Variants in TNFAIP8 observed in about 807,000 individuals in gnomAD.
The protein encoded by TNFAIP8 is tumor necrosis factor alpha-induced protein 8.
In TNFAIP8, 7 loss-of-function variants were observed where a neutral mutation model predicts 13.3. That is an observed-to-expected ratio of 0.52 (90% CI 0.30 to 0.99). The LOEUF (loss-of-function observed/expected upper bound fraction) is 0.99, where lower values mean the gene tolerates loss of function less well. TNFAIP8 is among the 50% of genes least tolerant of loss of function. The probability of loss-of-function intolerance (pLI) is 0.07; values close to 1 mark genes in which losing one functional copy is unlikely to be tolerated. For synonymous variants in TNFAIP8, 94 were observed against 87.6 expected, an observed-to-expected ratio of 1.07 and a Z score of -0.41; for missense variants, 258 against 236.9, an observed-to-expected ratio of 1.09 and a Z score of -0.58.
intron 1 of TNFAIP8, among the ~76,000 whole-genome samples, chr5:119,282,381 C>A (rs1459642724): frequency 2.0e-5 from 3 of 152,146 alleles, no homozygotes; most frequent in African/African-American, 7.2e-5. Flanking sequence ...ACTGTCCCAT[C>A]CCTTTGCCTC....
intron 1 of TNFAIP8, among the ~76,000 whole-genome samples, chr5:119,311,449 T>C (rs1581594794): frequency 6.7e-6 from 1 of 150,266 alleles, no homozygotes; most frequent in African/African-American, 2.4e-5. Flanking sequence ...CTCAGCACTT[T>C]GGGAGGCCAA....
intron 1 of TNFAIP8, among the ~76,000 whole-genome samples, chr5:119,383,113 G>C (rs572995183): frequency 6.6e-6 from 1 of 152,254 alleles, no homozygotes; most frequent in East Asian, 1.9e-4. Context: ...TCCCCCATAA[G>C]ACTCTTTTAG....
chr5:119,331,756 T>C (rs7724082), intron 1 of TNFAIP8, among the ~76,000 whole-genome samples: 27,923 of 152,132 alleles, frequency 0.18, 4,852 homozygotes, highest in African/African-American at 0.46. Flanking sequence ...CATCCTCCCC[T>C]AGCAGAACTG....
rs184031530 is a variant in TNFAIP8 at position 119,324,320 on chromosome 5, A to C, written c.1+55413A>C. 2.2e-5 allele frequency among the ~76,000 whole-genome samples: 3 copies of C among 135,606 alleles called. No homozygotes were observed. In the Admixed American group the frequency reaches 2.2e-4, roughly 10 times the overall value. The allele number at this position is 135,606 out of a possible 152,430, so 89.0% of individuals were successfully genotyped here. On this transcript the variant is annotated intron_variant, in intron 1 of 1. Transcript: ENST00000274456. ...AAAAAAAAAAAAAAAAAAAAGAAGAAGTTCCAAGTTCAACATTCCCAACTT... is the reference window on the plus strand; with the variant it reads ...AAAAAAAAAAAAAAAAAAAAGAAGACGTTCCAAGTTCAACATTCCCAACTT...
At chr5:119,309,606 G>A (rs1266895460) in intron 1 of TNFAIP8, among the ~76,000 whole-genome samples, 1 of 152,142 alleles carries the variant, frequency 6.6e-6, no homozygotes, top group Non-Finnish European at 1.5e-5. Context: ...GAGCAGGGTG[G>A]GTAGTTCTGC....
chr5:119,335,415 T>C (rs7707221), intron 1 of TNFAIP8, among the ~76,000 whole-genome samples: 15,909 of 152,014 alleles, frequency 0.1, 1,033 homozygotes, highest in African/African-American at 0.2. Context: ...CAGCTTAAGG[T>C]ATGGAGCGAG....
chr5:119,314,937 A>G (rs1317989160), intron 1 of TNFAIP8, among the ~76,000 whole-genome samples: 1 of 152,160 alleles, frequency 6.6e-6, no homozygotes, highest in Non-Finnish European at 1.5e-5. Context: ...GCTGGAGTGC[A>G]GTGGCATGAT....
At chr5:119,374,176 G>A (rs1426382728) in intron 1 of TNFAIP8, among the ~76,000 whole-genome samples, 1 of 151,660 alleles carries the variant, frequency 6.6e-6, no homozygotes, top group African/African-American at 2.4e-5. Context: ...TGGGACTGAA[G>A]TGTTTTAGAT....
intron 1 of TNFAIP8, among the ~76,000 whole-genome samples, chr5:119,281,886 A>G (rs950999018): frequency 6.6e-6 from 1 of 152,174 alleles, no homozygotes; most frequent in Non-Finnish European, 1.5e-5. Context: ...TTGGTCTGTG[A>G]CCTTTATAAT....
chr5:119,361,348 T>A (rs917923026), intron 1 of TNFAIP8, among the ~76,000 whole-genome samples: 6 of 152,178 alleles, frequency 3.9e-5, no homozygotes, highest in Non-Finnish European at 8.8e-5. Flanking sequence ...AGTGACTAAC[T>A]GCTGAGTTGG....
chr5:119,378,335 T>A (rs766617255), intron 1 of TNFAIP8, among the ~76,000 whole-genome samples: 19 of 152,186 alleles, frequency 1.2e-4, no homozygotes, highest in Non-Finnish European at 2.4e-4. Flanking sequence ...TTCCTAGAAT[T>A]TCAGAGCTTC....
chr5:119,279,159 G>A (rs2150803102), intron 1 of TNFAIP8, among the ~76,000 whole-genome samples: 1 of 152,306 alleles, frequency 6.6e-6, no homozygotes, highest in African/African-American at 2.4e-5. Flanking sequence ...GTTAAGCCTT[G>A]TTTGCAGATA....
chr5:119,313,506 A>T (rs1749795440), intron 1 of TNFAIP8, among the ~76,000 whole-genome samples: 2 of 152,218 alleles, frequency 1.3e-5, no homozygotes, highest in South Asian at 4.1e-4. Flanking sequence ...GTCTCATAAT[A>T]GGCACGGGCT....
chr5:119,390,531 A>G (rs1752850983), intron 1 of TNFAIP8, among the ~76,000 whole-genome samples: 1 of 152,254 alleles, frequency 6.6e-6, no homozygotes, highest in Non-Finnish European at 1.5e-5. Flanking sequence ...AAACTTCTCC[A>G]TAAAGTTGGC....
chr5:119,288,792 C>T (rs1299175746), intron 1 of TNFAIP8, among the ~76,000 whole-genome samples: 4 of 152,210 alleles, frequency 2.6e-5, no homozygotes, highest in African/African-American at 9.6e-5. Context: ...AAGAATTAGA[C>T]TAAATACCAG....
At chr5:119,278,212 CATCAGGG>C (rs1284151408) in intron 1 of TNFAIP8, among the ~76,000 whole-genome samples, 1 of 152,144 alleles carries the variant, frequency 6.6e-6, no homozygotes, top group Non-Finnish European at 1.5e-5. Context: ...TAAACAGTGT[CATCAGGG>C]ACCAGTTCTA....
chr5:119,336,097 G>A (rs1750544139), intron 1 of TNFAIP8, among the ~76,000 whole-genome samples: 1 of 152,166 alleles, frequency 6.6e-6, no homozygotes, highest in South Asian at 2.1e-4. Flanking sequence ...TAAGGGAGGG[G>A]GAGAGATGAG....
intron 1 of TNFAIP8, among the ~76,000 whole-genome samples, chr5:119,386,557 T>G (rs1326022359): frequency 1.3e-5 from 2 of 151,810 alleles, no homozygotes; most frequent in Non-Finnish European, 2.9e-5. Context: ...GGAGGAGTAT[T>G]TCAAAGTCAC....
rs916219172 is a variant in TNFAIP8 at position 119,397,204 on chromosome 5, G to C, written c.*3823G>C. 5.3e-5 allele frequency: 8 copies of C among 151,790 alleles called. No homozygotes were observed. Among genetic ancestry groups the C allele is most frequent in the African/African-American group, 1.9e-4 (8 of 41,292 alleles). The allele number at this position is 151,790 out of a possible 1,614,324, so 9.4% of individuals were successfully genotyped here. A position where few individuals can be genotyped will look rare whatever the true frequency, so the allele number is the denominator to read the frequency against. On this transcript the variant is annotated 3_prime_UTR_variant, in exon 2 of 2. Transcript: ENST00000504771. ...ATAGTACTTTTTGTGGTCTGTACCGGTCAGTTGGATTTTTACTAAGAATTT... is the reference window on the plus strand; with the variant it reads ...ATAGTACTTTTTGTGGTCTGTACCGCTCAGTTGGATTTTTACTAAGAATTT...
Sources: allele counts gnomAD v4.1 joint callset (sites outside exome capture counted in the v4.1 genomes callset), GRCh38; gene constraint gnomAD v4.1.1; transcripts MANE v1.5; gene names NCBI Gene and HGNC (gene_info 2026-07-23, HGNC 2026-07-21).